U2SURP: variants seen among roughly 807,000 people sequenced by gnomAD.
U2SURP encodes U2 snRNP associated SURP domain containing.
Under a neutral mutation model 144.9 loss-of-function variants are expected in U2SURP, and 9 were observed. The observed-to-expected ratio is 0.06, with a 90% CI of 0.04 to 0.11. The LOEUF (loss-of-function observed/expected upper bound fraction) is 0.11. U2SURP is among the 10% of genes least tolerant of loss of function. U2SURP has a pLI of 1.00. For synonymous variants in U2SURP, 408 were observed against 396.8 expected (o/e 1.03, Z -0.33); for missense variants, 724 against 1,226.7 (o/e 0.59, Z 6.12).
intron 1 of U2SURP, among the ~76,000 whole-genome samples, chr3:143,003,824 T>G (rs889411925): frequency 6.6e-6 from 1 of 151,638 alleles, no homozygotes; most frequent in Non-Finnish European, 1.5e-5. Context: ...CCCTAGTAGC[T>G]GGGACTACAG....
chr3:143,046,145 G>A (rs1449045640), intron 24 of U2SURP, among the ~76,000 whole-genome samples: 1 of 151,614 alleles, frequency 6.6e-6, no homozygotes, highest in Non-Finnish European at 1.5e-5. Flanking sequence ...ACCTATAGCT[G>A]AACAGTTTGT....
intron 6 of U2SURP, among the ~76,000 whole-genome samples, chr3:143,017,747 G>A (rs1936442205): frequency 6.6e-6 from 1 of 151,900 alleles, no homozygotes; most frequent in Non-Finnish European, 1.5e-5. Flanking sequence ...AGCCTCATGA[G>A]TAGCTGGGAC....
intron 1 of U2SURP, among the ~76,000 whole-genome samples, chr3:143,006,144 A>G (rs1281968594): frequency 6.6e-6 from 1 of 152,188 alleles, no homozygotes; most frequent in Non-Finnish European, 1.5e-5. Flanking sequence ...TGTACTTACA[A>G]CTTTTCATAT....
In U2SURP at chr3:143,057,657, T is replaced by A. The variant is rs1185593060; in HGVS notation, c.*1207T>A. ...GTTATGTAGAATTGAACTGACACTATTATTTGTGAATCTTGATTTCAGTTT... is the reference window on the plus strand; with the variant it reads ...GTTATGTAGAATTGAACTGACACTAATATTTGTGAATCTTGATTTCAGTTT... On this transcript the variant is annotated 3_prime_UTR_variant, in exon 28 of 28. Coordinates refer to ENST00000473835, the MANE Select transcript of U2SURP (RefSeq NM_001080415.2). 1 of 151,952 alleles carries A rather than the reference T, an allele frequency of 6.6e-6. No homozygotes were observed. Among genetic ancestry groups the A allele is most frequent in the African/African-American group, 2.4e-5 (1 of 41,432 alleles). The allele number at this position is 151,952 out of a possible 1,614,324, so 9.4% of individuals were successfully genotyped here.
chr3:143,023,193 A>T, intron 12 of U2SURP, 129 bp downstream of exon 12: 1 of 778,702 alleles, frequency 1.3e-6, no homozygotes, highest in South Asian at 1.9e-5. Context: ...AGAAATAAGT[A>T]GATGTGTTCC....
intron 4 of U2SURP, among the ~76,000 whole-genome samples, chr3:143,015,223 A>C (rs1936306597): frequency 6.6e-6 from 1 of 152,102 alleles, no homozygotes; most frequent in Admixed American, 6.5e-5. Flanking sequence ...AGTAAAGTTT[A>C]ACAGTTTTTC....
At chr3:143,049,265 CAAAAAAAAAAAAAAAA>C (rs200930787) in intron 24 of U2SURP, among the ~76,000 whole-genome samples, 1 of 81,520 alleles carries the variant, frequency 1.2e-5, no homozygotes, top group Admixed American at 1.4e-4. Flanking sequence ...GACTCCATCT[CAAAAAAAAAAAAAAAA>C]AAAAAAAAAA....
intron 1 of U2SURP, among the ~76,000 whole-genome samples, chr3:143,003,867 A>G (rs1935676306): frequency 6.6e-6 from 1 of 150,958 alleles, no homozygotes. Flanking sequence ...AATTTTTTGT[A>G]TTTTAGTAGA....
chr3:143,057,620 A>C lies in U2SURP; in HGVS notation c.*1170A>C, dbSNP rs1935207748. Reference sequence around the variant, plus strand: ...AATGTTGGTCATAATACTGCTATAAATATAATAAAGGGTTATGTAGAATTG... The same window carrying C: ...AATGTTGGTCATAATACTGCTATAACTATAATAAAGGGTTATGTAGAATTG... On this transcript the variant is annotated 3_prime_UTR_variant, in exon 28 of 28. Transcript: ENST00000473835. 6.6e-6 allele frequency: 1 copy of C among 151,996 alleles called. No individual in the cohort carries two copies. The highest frequency in any genetic ancestry group is 2.4e-5 in the African/African-American group (1 of 41,434). 9.4% of individuals were successfully genotyped at this position (151,996 alleles called of 1,614,324 possible). A position where few individuals can be genotyped will look rare whatever the true frequency, so the allele number is the denominator to read the frequency against.
Position 143,056,579 on chromosome 3 carries a change from C to A in U2SURP, c.*129C>A. ...GGGGTTTTTTGTTTGTTTGTGTATGCATGTGTAAACTCATGAGCAACTGCA... is the reference window on the plus strand; with the variant it reads ...GGGGTTTTTTGTTTGTTTGTGTATGAATGTGTAAACTCATGAGCAACTGCA... On this transcript the variant is annotated 3_prime_UTR_variant, in exon 28 of 28. Coordinates refer to ENST00000473835, the MANE Select transcript of U2SURP (RefSeq NM_001080415.2). 1 of 1,067,328 alleles carries A rather than the reference C, an allele frequency of 9.4e-7. No individual in the cohort carries two copies. Among genetic ancestry groups the A allele is most frequent in the Non-Finnish European group, 1.3e-6 (1 of 754,952 alleles). 66.1% of individuals were successfully genotyped at this position (1,067,328 alleles called of 1,614,324 possible). A position where few individuals can be genotyped will look rare whatever the true frequency, so the allele number is the denominator to read the frequency against.
intron 1 of U2SURP, among the ~76,000 whole-genome samples, chr3:143,004,574 C>CCA (rs1553834300): frequency 2.7e-5 from 1 of 37,666 alleles, no homozygotes; most frequent in Non-Finnish European, 5.9e-5. Context: ...GACCTTGTGA[C>CCA]CCCCCCCCCC....
At chr3:143,029,973 G>A (rs1201651607) in intron 16 of U2SURP, among the ~76,000 whole-genome samples, 2 of 152,178 alleles carry the variant, frequency 1.3e-5, no homozygotes. Flanking sequence ...GTGGAAACAG[G>A]TGAGGATGCT....
At chr3:143,009,573 G>GGAGTACAGCCT (rs1936016111) in intron 1 of U2SURP, among the ~76,000 whole-genome samples, 1 of 151,850 alleles carries the variant, frequency 6.6e-6, no homozygotes, top group Admixed American at 6.6e-5. Flanking sequence ...ACTCCAGCCT[G>GGAGTACAGCCT]GGAGACAGAG....
At chr3:143,049,661 A>G (rs900816843) in intron 24 of U2SURP, among the ~76,000 whole-genome samples, 2 of 152,142 alleles carry the variant, frequency 1.3e-5, no homozygotes, top group Non-Finnish European at 2.9e-5. Context: ...ACCCTTGTAA[A>G]TTTTTTGGAT....
chr3:143,036,806 G>A (rs751034039), intron 20 of U2SURP: 5 of 180,842 alleles, frequency 2.8e-5, no homozygotes, highest in South Asian at 1.4e-4. Context: ...AGTATGATAC[G>A]CCCTTTTGCT....
At chr3:143,040,640 G>A (rs1462631519) in intron 23 of U2SURP, among the ~76,000 whole-genome samples, 1 of 151,762 alleles carries the variant, frequency 6.6e-6, no homozygotes, top group East Asian at 1.9e-4. Flanking sequence ...TCTTGAATTT[G>A]CATGTCTTTT....
intron 1 of U2SURP, among the ~76,000 whole-genome samples, chr3:143,003,934 C>T (rs1379378610): frequency 2.0e-5 from 3 of 152,166 alleles, no homozygotes; most frequent in Non-Finnish European, 2.9e-5. Context: ...TCGTGATCCA[C>T]CCGCCTCAGC....
rs1380790950 is a variant in U2SURP, at chr3:143,010,816, C to T, written c.47C>T (p.Thr16Met). ...PGGSQKASSK[T>M]RSSDVHSSGS... is the part of the protein sequence containing the mutation. ...GACTTTTATTTTTGATACTTGTAGACGAGATCATCAGATGTTCATTCATCT... is the reference window on the plus strand; with the variant it reads ...GACTTTTATTTTTGATACTTGTAGATGAGATCATCAGATGTTCATTCATCT... Residue 16 changes from threonine (T) to methionine (M), a missense_variant and splice_region_variant, in exon 2 of 28, where the codon ACG becomes ATG. Around this residue, in one of 13 missense-constraint regions of U2SURP, gnomAD observed 127 missense variants for 98.2 expected, o/e 1.29. Coordinates refer to ENST00000473835, the MANE Select transcript of U2SURP (RefSeq NM_001080415.2). 6.9e-6 allele frequency: 11 copies of T among 1,604,900 alleles called. No homozygotes were observed. Among genetic ancestry groups the T allele is most frequent in the Admixed American group, 5.0e-5 (3 of 59,610 alleles).
chr3:143,017,703 T>C (rs1407479358), intron 6 of U2SURP, among the ~76,000 whole-genome samples: 2 of 152,006 alleles, frequency 1.3e-5, no homozygotes, highest in Non-Finnish European at 2.9e-5. Context: ...TCCTGCAGCC[T>C]CAACCTCGTA....
Sources: gnomAD v4.1 joint callset for allele counts (sites outside exome capture counted in the v4.1 genomes callset) on GRCh38, gnomAD v4.1.1 for gene constraint, gnomAD v4.1.1 regional missense constraint, MANE v1.5 for transcripts, NCBI Gene and HGNC (gene_info 2026-07-23, HGNC 2026-07-21) for gene names.